Variants in NECTIN2 observed in about 807,000 individuals in gnomAD.
NECTIN2 encodes the protein nectin-2.
A neutral mutation model predicts 56.9 loss-of-function variants in NECTIN2; 23 were observed. The observed-to-expected ratio is 0.40, with a 90% confidence interval of 0.29 to 0.57. The LOEUF is 0.57. Ranked by LOEUF, NECTIN2 falls within the 20% of genes least tolerant of loss-of-function variation. NECTIN2 has a pLI of 0.38. For missense variants in NECTIN2, 587 were observed against 718.3 expected (o/e 0.82, Z 2.09); for synonymous variants, 302 against 313.8 (o/e 0.96, Z 0.40).
At chr19:44,854,790 G>A (rs1968944109) in intron 1 of NECTIN2, among the ~76,000 whole-genome samples, 1 of 151,710 alleles carries the variant, frequency 6.6e-6, no homozygotes, top group African/African-American at 2.4e-5. Flanking sequence ...TCCAGCCCGG[G>A]CAACAGAGTG....
Position 44,865,675 on chromosome 19 carries a change from G to C in NECTIN2, c.478+15G>C. The C allele has an allele frequency of 6.7e-7, 1 of 1,499,702 alleles. No individual in the cohort carries two copies. Among genetic ancestry groups the C allele is most frequent in the Non-Finnish European group, 8.9e-7 (1 of 1,123,250 alleles). The allele number at this position is 1,499,702 out of a possible 1,614,324, so 92.9% of individuals were successfully genotyped here. On this transcript the variant is annotated intron_variant, in intron 2 of 8. Coordinates refer to ENST00000252483, the MANE Select transcript of NECTIN2 (RefSeq NM_001042724.2). This position sits in a 1 kb window ranked among gnomAD's most constrained non-coding sequence, Gnocchi z 5.2. ...CAGAGTCATAGGTGAGCAGGGTAAG[G>C]GCGGGAGGCAAGGAGGTGGGAGGGC...
chr19:44,849,230 A>T (rs12974942), intron 1 of NECTIN2, among the ~76,000 whole-genome samples: 62,871 of 151,194 alleles, frequency 0.42, 13,396 homozygotes, highest in Middle Eastern at 0.5. Flanking sequence ...TGAAATACCG[A>T]CACAGGGATG....
chr19:44,866,009 C>T lies in NECTIN2; in HGVS notation c.478+349C>T, dbSNP rs189381088. The stretch of plus-strand genomic sequence containing the variant: ...CCAACATGGTGAAACCCTGTCTCTA[C>T]GAAAAATAAAAAATTAGCTGGGTGT... On this transcript the variant is annotated intron_variant, in intron 2 of 8. Transcript: ENST00000252483. Among the ~76,000 whole-genome samples, 651 of 152,018 alleles carry T rather than the reference C, an allele frequency of 4.3e-3. 5 individuals are homozygous for T. Among genetic ancestry groups the T allele is most frequent in the Middle Eastern group, 6.8e-3 (2 of 294 alleles).
At chr19:44,861,463 G>A (rs1321633472) in intron 1 of NECTIN2, among the ~76,000 whole-genome samples, 2 of 152,190 alleles carry the variant, frequency 1.3e-5, no homozygotes, top group Non-Finnish European at 1.5e-5. Flanking sequence ...ATTTCATGAC[G>A]AAATTGCCAA....
intron 1 of NECTIN2, among the ~76,000 whole-genome samples, chr19:44,864,012 T>C (rs1164701561): frequency 1.2e-4 from 18 of 146,514 alleles, no homozygotes; most frequent in Admixed American, 3.4e-4. Flanking sequence ...TTCAGAGGAT[T>C]CCCCCCCCCC....
intron 6 of NECTIN2, among the ~76,000 whole-genome samples, chr19:44,884,210 A>G (rs1047840234): frequency 3.3e-5 from 5 of 152,138 alleles, no homozygotes; most frequent in African/African-American, 9.7e-5. Flanking sequence ...CCCTCAGGCT[A>G]GAGTTCAGTG....
Position 44,875,212 on chromosome 19 carries a change from G to GTGGCACCAGCCAAGA in NECTIN2, c.1042+736_1042+750dup, listed in dbSNP as rs1969222861. Reference sequence around the variant, plus strand: ...ACCAAGACACACACCCAGGAGGACAGTGGCACCAGCCAAGATAGACTGAAC... The same window carrying GTGGCACCAGCCAAGA: ...ACCAAGACACACACCCAGGAGGACAGTGGCACCAGCCAAGATGGCACCAGCCAAGATAGACTGAAC... On this transcript the variant is annotated intron_variant, in intron 5 of 8. Transcript: ENST00000252483. The surrounding 1 kb of genome is among the most constrained non-coding windows in gnomAD (Gnocchi z 4.2). Among the ~76,000 whole-genome samples the GTGGCACCAGCCAAGA allele has an allele frequency of 6.6e-6, 1 of 152,064 alleles. No homozygotes were observed. The highest frequency in any genetic ancestry group is 2.4e-5 in the African/African-American group (1 of 41,410).
intron 2 of NECTIN2, among the ~76,000 whole-genome samples, chr19:44,871,497 G>A (rs1599920910): frequency 6.6e-6 from 1 of 152,060 alleles, no homozygotes; most frequent in African/African-American, 2.4e-5. Context: ...CACTGCACTC[G>A]AGACCAGGTG....
chr19:44,856,657 T>A (rs1968969033), intron 1 of NECTIN2, among the ~76,000 whole-genome samples: 1 of 152,126 alleles, frequency 6.6e-6, no homozygotes, highest in Admixed American at 6.5e-5. Flanking sequence ...GATCCCAACC[T>A]TAGTGCCTTT....
chr19:44,886,088 G>C (rs369691843), intron 7 of NECTIN2, 45 bp from the exon 8 acceptor site: 1 of 1,577,246 alleles, frequency 6.3e-7, no homozygotes, highest in East Asian at 2.2e-5. Flanking sequence ...AGCTGGCTGG[G>C]TGGTGGGGGC....
intron 2 of NECTIN2, among the ~76,000 whole-genome samples, chr19:44,870,280 G>C (rs1310889602): frequency 6.6e-6 from 1 of 152,170 alleles, no homozygotes; most frequent in Non-Finnish European, 1.5e-5. Flanking sequence ...CTCGGGCCCT[G>C]AGTCACTATT....
At chr19:44,859,200 T>A (rs2122646215) in intron 1 of NECTIN2, among the ~76,000 whole-genome samples, 1 of 152,168 alleles carries the variant, frequency 6.6e-6, no homozygotes, top group Middle Eastern at 3.2e-3. Context: ...TGCCCTGGCC[T>A]TTCCTGGCCT....
chr19:44,862,267 TCAC>T lies in NECTIN2; in HGVS notation c.89-3003_89-3001del, dbSNP rs1299659969. Among the ~76,000 whole-genome samples the T allele has an allele frequency of 6.1e-3, 807 of 131,754 alleles. 6 individuals are homozygous for T. Among genetic ancestry groups the T allele is most frequent in the African/African-American group, 0.02 (770 of 38,536 alleles). 86.4% of individuals were successfully genotyped at this position (131,754 alleles called of 152,430 possible). ...GTCTCTACTAAAAATACAAAAAAATTCACTGTGTGTGGTGGCGGGCACCTGTAG... is the reference window on the plus strand; with the variant it reads ...GTCTCTACTAAAAATACAAAAAAATTTGTGTGTGGTGGCGGGCACCTGTAG... On this transcript the variant is annotated intron_variant, in intron 1 of 8. Transcript: ENST00000252483.
intron 6 of NECTIN2, among the ~76,000 whole-genome samples, chr19:44,882,913 C>T (rs550700906): frequency 2.6e-5 from 4 of 151,506 alleles, no homozygotes; most frequent in Admixed American, 6.6e-5. Flanking sequence ...TCCGGAGTAG[C>T]TGGGAATACA....
At chr19:44,878,745 C>A in intron 5 of NECTIN2, 1 of 1,456,726 alleles carries the variant, frequency 6.9e-7, no homozygotes, top group Non-Finnish European at 9.0e-7. Flanking sequence ...ACACTGCCTC[C>A]CACTTTCTTG....
chr19:44,847,116 G>T (rs1968845200), intron 1 of NECTIN2, among the ~76,000 whole-genome samples: 1 of 152,166 alleles, frequency 6.6e-6, no homozygotes, highest in South Asian at 2.1e-4. Flanking sequence ...GAGGCCCGGA[G>T]AGAACTGAGG....
chr19:44,853,766 C>T (rs901363050), intron 1 of NECTIN2, among the ~76,000 whole-genome samples: 5 of 152,222 alleles, frequency 3.3e-5, no homozygotes, highest in African/African-American at 1.2e-4. Context: ...GAATTACAGG[C>T]GTGAGCCATT....
At chr19:44,848,675 CTCTCT>C (rs1968865699) in intron 1 of NECTIN2, among the ~76,000 whole-genome samples, 1 of 151,598 alleles carries the variant, frequency 6.6e-6, no homozygotes, top group Non-Finnish European at 1.5e-5. Context: ...CCCTCTCTCT[CTCTCT>C]CCCCTCCCCC....
intron 1 of NECTIN2, among the ~76,000 whole-genome samples, chr19:44,864,013 C>CT (rs1969064746): frequency 1.3e-4 from 1 of 7,998 alleles, no homozygotes; most frequent in African/African-American, 2.8e-4. Flanking sequence ...TCAGAGGATT[C>CT]CCCCCCCCCA....
Sources: allele counts gnomAD v4.1 joint callset (sites outside exome capture counted in the v4.1 genomes callset), GRCh38; gene constraint gnomAD v4.1.1; non-coding constraint Gnocchi (gnomAD v3.1); transcripts MANE v1.5; gene names NCBI Gene and HGNC (gene_info 2026-07-23, HGNC 2026-07-21).